Variants in OR1C1 observed in about 807,000 individuals in gnomAD.
OR1C1 encodes the protein olfactory receptor family 1 subfamily C member 1.
For synonymous variants in OR1C1, 153 were observed against 154.6 expected (o/e 0.99, Z 0.08); for missense variants, 407 against 384.3 (o/e 1.06, Z -0.49).
rs755621814 is a variant in OR1C1, at chr1:247,756,424, A to G, written c.*1038T>C. 1 of 152,080 alleles carries G rather than the reference A, an allele frequency of 6.6e-6. No individual in the cohort carries two copies. The highest frequency in any genetic ancestry group is 1.5e-5 in the Non-Finnish European group (1 of 68,018). The allele number at this position is 152,080 out of a possible 1,614,324, so 9.4% of individuals were successfully genotyped here. Reference sequence around the variant, plus strand: ...TGAGAAAGGGTGCACGTGTGTGTTTATAAGGTTTTAAATATTATACATGTG... The same window carrying G: ...TGAGAAAGGGTGCACGTGTGTGTTTGTAAGGTTTTAAATATTATACATGTG... On this transcript the variant is annotated 3_prime_UTR_variant, in exon 2 of 2. Transcript: ENST00000641256. The surrounding 1 kb of genome is among the most constrained non-coding windows in gnomAD (Gnocchi z 4.3).
Position 247,758,206 on chromosome 1 carries a change from G to C in OR1C1, c.201C>G (p.Ala67=), listed in dbSNP as rs1252085982. The C allele has an allele frequency of 6.2e-7, 1 of 1,614,002 alleles. No homozygotes were observed. Among genetic ancestry groups the C allele is most frequent in the African/African-American group, 1.3e-5 (1 of 74,998 alleles). ...TCGACGTAAAGCAGATGTCAACAAAGGCCAAGTTACTAAGGAAGAAGTACA... is the reference window on the plus strand; with the variant it reads ...TCGACGTAAAGCAGATGTCAACAAACGCCAAGTTACTAAGGAAGAAGTACA... ...SPMYFFLSNL[A]FVDICFTSTT... The change falls in exon 2 of 2, where the codon GCC becomes GCG. Residue 67 remains alanine, a synonymous_variant. Transcript: ENST00000641256.
In OR1C1 at chr1:247,757,706, T is replaced by C; in HGVS notation, c.701A>G (p.Lys234Arg). 6.2e-7 allele frequency: 1 copy of C among 1,614,076 alleles called. No individual in the cohort carries two copies. The highest frequency in any genetic ancestry group is 8.5e-7 in the Non-Finnish European group (1 of 1,180,002). Residue 234 changes from lysine (K) to arginine (R), a missense_variant, in exon 2 of 2, where the codon AAG becomes AGG. Transcript: ENST00000641256. ...GCTGCAGGTGGAAACAGCTCTCTGCTTGCCCTGAGTAGAGGTGATCTTCAG... is the reference window on the plus strand; with the variant it reads ...GCTGCAGGTGGAAACAGCTCTCTGCCTGCCCTGAGTAGAGGTGATCTTCAG... ...TVLKITSTQG[K>R]QRAVSTCSCH...
chr1:247,758,905 C>T (rs530517275), intron 1 of OR1C1, among the ~76,000 whole-genome samples: 1 of 151,964 alleles, frequency 6.6e-6, no homozygotes, highest in Non-Finnish European at 1.5e-5. Context: ...TTTCTTTTAA[C>T]GTATTTGGTC....
At chr1:247,759,587 G>A (rs1661293498) in intron 1 of OR1C1, among the ~76,000 whole-genome samples, 1 of 152,022 alleles carries the variant, frequency 6.6e-6, no homozygotes, top group African/African-American at 2.4e-5. Context: ...CTATTTTATT[G>A]ATTTGTATGA....
In OR1C1 at chr1:247,758,050, C is replaced by T. The variant is rs1552813; in HGVS notation, c.357G>A (p.Ala119=). 0.93 allele frequency: 1,494,461 copies of T among 1,613,930 alleles called. 696,097 individuals carry two copies. Among genetic ancestry groups the T allele is most frequent in the East Asian group, 0.98 (43,861 of 44,864 alleles). ...GGCAAATCGCCACATATCTATCATA[C>T]GCCATCACACACAGAAGGAGGCTGT... The part of the protein sequence containing the change: ...NMDSLLLCVM[A]YDRYVAICHP... The change falls in exon 2 of 2, where the codon GCG becomes GCA. Residue 119 remains alanine (A), a synonymous_variant. Coordinates refer to ENST00000641256, the MANE Select transcript of OR1C1 (RefSeq NM_012353.3).
chr1:247,760,390 A>G (rs920870055), intron 1 of OR1C1, 22 bp downstream of exon 1: 5 of 152,146 alleles, frequency 3.3e-5, no homozygotes, highest in Non-Finnish European at 5.9e-5. Flanking sequence ...TAAAACAAAG[A>G]AAAAAATGTA....
chr1:247,757,257 A>T lies in OR1C1; in HGVS notation c.*205T>A, dbSNP rs2103233170. 1 of 534,702 alleles carries T rather than the reference A, an allele frequency of 1.9e-6. No homozygotes were observed. The highest frequency in any genetic ancestry group is 3.3e-6 in the Non-Finnish European group (1 of 300,910). 33.1% of individuals were successfully genotyped at this position (534,702 alleles called of 1,614,324 possible). ...AGACTATTTAACTTCCCTAAGATTC[A>T]CTTTCTGTATAAAGAATGCTATATG... On this transcript the variant is annotated 3_prime_UTR_variant, in exon 2 of 2. Transcript: ENST00000641256.
rs1041564231 is a variant in OR1C1 at position 247,756,126 on chromosome 1, T to C, written c.*1336A>G. The C allele has an allele frequency of 6.6e-6, 1 of 152,196 alleles. No homozygotes were observed. The highest frequency in any genetic ancestry group is 1.5e-5 in the Non-Finnish European group (1 of 68,038). The allele number at this position is 152,196 out of a possible 1,614,324, so 9.4% of individuals were successfully genotyped here. A position where few individuals can be genotyped will look rare whatever the true frequency, so the allele number is the denominator to read the frequency against. ...TTTATTTATATTCTGAGAATCTACA[T>C]TTTTAAACTGTTATTTTAGATTCAG... On this transcript the variant is annotated 3_prime_UTR_variant, in exon 2 of 2. Coordinates refer to ENST00000641256, the MANE Select transcript of OR1C1 (RefSeq NM_012353.3). The surrounding 1 kb of genome is among the most constrained non-coding windows in gnomAD (Gnocchi z 4.3).
rs1375762089 is a variant in OR1C1, at chr1:247,757,577, A to G, written c.830T>C (p.Met277Thr). The G allele has an allele frequency of 1.6e-5, 26 of 1,614,042 alleles. No individual in the cohort carries two copies. The highest frequency in any genetic ancestry group is 1.9e-5 in the Non-Finnish European group (23 of 1,179,982). ...CAGCATCGGAGCCACCATTGAATAC[A>G]TGATGGTTGACAGAGTGTCGCTCTC... Reference protein sequence around the residue: ...MPESDTLSTIMYSMVAPMLNP... With the variant: ...MPESDTLSTITYSMVAPMLNP... The change falls in exon 2 of 2, where the codon ATG (methionine) becomes ACG (threonine). Residue 277 changes from methionine (M) to threonine (T), a missense_variant. Physicochemically the swap from Met to Thr is moderately conservative, Grantham distance 81 (BLOSUM62 -1). Coordinates refer to ENST00000641256, the MANE Select transcript of OR1C1 (RefSeq NM_012353.3).
intron 1 of OR1C1, among the ~76,000 whole-genome samples, chr1:247,758,956 A>G (rs1661284012): frequency 6.6e-6 from 1 of 151,856 alleles, no homozygotes; most frequent in African/African-American, 2.4e-5. Flanking sequence ...TGGGTTGACC[A>G]TTGCTGTTTT....
chr1:247,758,487 A>AGTGTGT (rs61126187), intron 1 of OR1C1, 68 bp from the exon 2 acceptor site: 6,767 of 595,730 alleles, frequency 0.011, 67 homozygotes, highest in African/African-American at 0.05. Context: ...AGAGAGAGAC[A>AGTGTGT]GTGTGTGTGT....
intron 1 of OR1C1, chr1:247,758,696 C>A: frequency 3.4e-6 from 1 of 290,162 alleles, no homozygotes; most frequent in Non-Finnish European, 6.5e-6. Context: ...TGAATAATAA[C>A]CATTTTAATT....
Position 247,757,252 on chromosome 1 carries a change from G to T in OR1C1, c.*210C>A. On this transcript the variant is annotated 3_prime_UTR_variant, in exon 2 of 2. Coordinates refer to ENST00000641256, the MANE Select transcript of OR1C1 (RefSeq NM_012353.3). ...TATGCAGACTATTTAACTTCCCTAA[G>T]ATTCACTTTCTGTATAAAGAATGCT... The T allele has an allele frequency of 1.9e-6, 1 of 526,400 alleles. No homozygotes were observed. Among genetic ancestry groups the T allele is most frequent in the Non-Finnish European group, 3.4e-6 (1 of 295,862 alleles). 32.6% of individuals were successfully genotyped at this position (526,400 alleles called of 1,614,324 possible). A position where few individuals can be genotyped will look rare whatever the true frequency, so the allele number is the denominator to read the frequency against.
In OR1C1 at chr1:247,758,412, C is replaced by A; in HGVS notation, c.-6G>T. On this transcript the variant is annotated 5_prime_UTR_variant, in exon 2 of 2. Transcript: ENST00000641256. ...GTTAGATTTCTTTTTTCCATATTCC[C>A]AACAAATCTAGAAAAATAAGTTATT... The A allele has an allele frequency of 6.4e-7, 1 of 1,555,778 alleles. No homozygotes were observed. Among genetic ancestry groups the A allele is most frequent in the Non-Finnish European group, 8.8e-7 (1 of 1,134,396 alleles).
Position 247,760,429 on chromosome 1 carries a change from G to A in OR1C1, c.-31C>T, listed in dbSNP as rs1260119419. On this transcript the variant is annotated 5_prime_UTR_variant, in exon 1 of 2. Coordinates refer to ENST00000641256, the MANE Select transcript of OR1C1 (RefSeq NM_012353.3). ...ATACATACCCTTTTCTGAGACCTTT[G>A]CCACCTATGACTTTTCTCTTTCCTG... 6.6e-6 allele frequency: 1 copy of A among 152,036 alleles called. No homozygotes were observed. The highest frequency in any genetic ancestry group is 2.4e-5 in the African/African-American group (1 of 41,392). The allele number at this position is 152,036 out of a possible 1,614,324, so 9.4% of individuals were successfully genotyped here.
chr1:247,759,566 A>G (rs576351497), intron 1 of OR1C1, among the ~76,000 whole-genome samples: 176 of 152,348 alleles, frequency 1.2e-3, no homozygotes, highest in African/African-American at 3.8e-3. Context: ...TCCAAGAGTT[A>G]TCTAGGACTT....
Position 247,757,306 on chromosome 1 carries a change from A to G in OR1C1, c.*156T>C. 1 of 607,480 alleles carries G rather than the reference A, an allele frequency of 1.6e-6. No individual in the cohort carries two copies. 37.6% of individuals were successfully genotyped at this position (607,480 alleles called of 1,614,324 possible). ...TGGTTTTTATATATTTACTCAGAGG[A>G]TTTAATGTGATAATTCATATAAAGT... On this transcript the variant is annotated 3_prime_UTR_variant, in exon 2 of 2. Coordinates refer to ENST00000641256, the MANE Select transcript of OR1C1 (RefSeq NM_012353.3).
Position 247,758,164 on chromosome 1 carries a change from C to T in OR1C1, c.243G>A (p.Met81Ile). The change falls in exon 2 of 2, where the codon ATG (methionine) becomes ATA (isoleucine). Residue 81 changes from methionine to isoleucine, a missense_variant. Coordinates refer to ENST00000641256, the MANE Select transcript of OR1C1 (RefSeq NM_012353.3). ...TGGTGCCAGTCAAGATATTCACTACCATTTGGGGGACTGTAGTCGACGTAA... is the reference window on the plus strand; with the variant it reads ...TGGTGCCAGTCAAGATATTCACTACTATTTGGGGGACTGTAGTCGACGTAA... Reference protein sequence around the residue: ...ICFTSTTVPQMVVNILTGTKT... With the variant: ...ICFTSTTVPQIVVNILTGTKT... 1 of 1,614,022 alleles carries T rather than the reference C, an allele frequency of 6.2e-7. No individual in the cohort carries two copies. The highest frequency in any genetic ancestry group is 1.1e-5 in the South Asian group (1 of 91,046).
intron 1 of OR1C1, among the ~76,000 whole-genome samples, chr1:247,759,097 C>T (rs537814159): frequency 6.6e-6 from 1 of 152,238 alleles, no homozygotes; most frequent in South Asian, 2.1e-4. Context: ...TAGAAGGTGC[C>T]AGTATTCTCC....
Sources: gnomAD v4.1 joint callset for allele counts (sites outside exome capture counted in the v4.1 genomes callset) on GRCh38, gnomAD v4.1.1 for gene constraint, Gnocchi (gnomAD v3.1) non-coding constraint, MANE v1.5 for transcripts, NCBI Gene and HGNC (gene_info 2026-07-23, HGNC 2026-07-21) for gene names.